GDAP2: variants seen among roughly 807,000 people sequenced by gnomAD.
GDAP2 encodes ganglioside induced differentiation associated protein 2.
GDAP2 carries 51 observed loss-of-function variants against 67.0 expected under a neutral mutation model. The ratio of observed to expected loss-of-function variants is 0.76; its 90% CI spans 0.61 to 0.96. GDAP2 has a LOEUF of 0.96. Among genes scored for constraint, GDAP2 ranks in the 40% least tolerant of loss-of-function variants. The probability of loss-of-function intolerance (pLI) is 0.00; values close to 1 mark genes in which losing one functional copy is unlikely to be tolerated. For missense variants in GDAP2, 547 were observed against 588.3 expected, an observed-to-expected ratio of 0.93 and a Z score of 0.73; for synonymous variants, 203 against 207.3, an observed-to-expected ratio of 0.98 and a Z score of 0.18.
chr1:117,899,340 CT>C, intron 6 of GDAP2, 124 bp from the exon 7 acceptor site: 1 of 676,486 alleles, frequency 1.5e-6, no homozygotes, highest in Non-Finnish European at 2.6e-6. Context: ...TTTACCACTT[CT>C]GAGCTCAGAC....
intron 5 of GDAP2, among the ~76,000 whole-genome samples, chr1:117,907,504 C>T (rs115574656): frequency 0.013 from 2,034 of 152,200 alleles, 37 homozygotes; most frequent in South Asian, 0.092. Context: ...CATCTTTTTC[C>T]GAACAAACCT....
intron 10 of GDAP2, among the ~76,000 whole-genome samples, chr1:117,883,836 A>T (rs1208090031): frequency 6.6e-6 from 1 of 152,194 alleles, no homozygotes; most frequent in Admixed American, 6.5e-5. Context: ...AATAATTCTC[A>T]TAAGTGCTAC....
chr1:117,897,628 G>A (rs1381120398), intron 7 of GDAP2, among the ~76,000 whole-genome samples: 3 of 152,202 alleles, frequency 2.0e-5, no homozygotes, highest in African/African-American at 7.2e-5. Context: ...TGGATTAGTA[G>A]AAATCAGTCT....
At chr1:117,926,659 A>T (rs559134845) in intron 1 of GDAP2, among the ~76,000 whole-genome samples, 30 of 152,364 alleles carry the variant, frequency 2.0e-4, no homozygotes, top group South Asian at 4.1e-4. Context: ...CAAGCTAGGC[A>T]GAAAAACCTG....
chr1:117,918,957 A>G (rs1458424940), intron 2 of GDAP2, among the ~76,000 whole-genome samples: 1 of 152,220 alleles, frequency 6.6e-6, no homozygotes, highest in Non-Finnish European at 1.5e-5. Flanking sequence ...CAAAACCACC[A>G]TGTTTAGAAA....
At chr1:117,924,793 A>G (rs1557812650) in intron 1 of GDAP2, among the ~76,000 whole-genome samples, 1 of 152,224 alleles carries the variant, frequency 6.6e-6, no homozygotes, top group Non-Finnish European at 1.5e-5. Flanking sequence ...GTTGGTGTTT[A>G]GTCCATCAAA....
At chr1:117,892,591 C>T (rs532794053) in intron 8 of GDAP2, among the ~76,000 whole-genome samples, 3 of 152,080 alleles carry the variant, frequency 2.0e-5, no homozygotes, top group Non-Finnish European at 2.9e-5. Context: ...GATAAATAAT[C>T]GTACAAAATA....
chr1:117,923,617 TC>T (rs543768785), intron 1 of GDAP2, among the ~76,000 whole-genome samples: 78 of 151,638 alleles, frequency 5.1e-4, no homozygotes, highest in Non-Finnish European at 8.5e-4. Context: ...GTGAACTTTC[TC>T]CCCCCCAAAT....
rs1648126772 is a variant in GDAP2 at position 117,867,747 on chromosome 1, A to C, written c.*2822T>G. ...AGGAAATATAAAGCATCCGCCAATG[A>C]AACATAATATACATTAAAGGAGAAA... On this transcript the variant is annotated 3_prime_UTR_variant, in exon 14 of 14. Coordinates refer to ENST00000369443, the MANE Select transcript of GDAP2 (RefSeq NM_017686.4). 1 of 152,034 alleles carries C rather than the reference A, an allele frequency of 6.6e-6. No homozygotes were observed. 9.4% of individuals were successfully genotyped at this position (152,034 alleles called of 1,614,324 possible). A position where few individuals can be genotyped will look rare whatever the true frequency, so the allele number is the denominator to read the frequency against.
intron 13 of GDAP2, among the ~76,000 whole-genome samples, chr1:117,874,787 A>C (rs749049566): frequency 6.6e-6 from 1 of 152,206 alleles, no homozygotes; most frequent in Non-Finnish European, 1.5e-5. Flanking sequence ...CCATGCTGAT[A>C]AGGTCTCAGA....
chr1:117,874,716 T>C (rs1266020368), intron 13 of GDAP2, among the ~76,000 whole-genome samples: 2 of 152,164 alleles, frequency 1.3e-5, no homozygotes, highest in Admixed American at 1.3e-4. Context: ...AGTTTGAAAC[T>C]TCTTAGAGAT....
At chr1:117,901,094 T>G (rs1018185920) in intron 6 of GDAP2, among the ~76,000 whole-genome samples, 3 of 152,094 alleles carry the variant, frequency 2.0e-5, no homozygotes, top group Non-Finnish European at 4.4e-5. Flanking sequence ...AAAAATGGAA[T>G]ACAGTATGTG....
chr1:117,908,023 A>T (rs1392761571), intron 5 of GDAP2, among the ~76,000 whole-genome samples: 1 of 151,966 alleles, frequency 6.6e-6, no homozygotes, highest in Non-Finnish European at 1.5e-5. Flanking sequence ...TATTCAAAAC[A>T]TACCACTTAC....
At chr1:117,892,004 A>T (rs755677520) in intron 8 of GDAP2, among the ~76,000 whole-genome samples, 55 of 152,252 alleles carry the variant, frequency 3.6e-4, no homozygotes, top group Admixed American at 4.6e-4. Flanking sequence ...CTCTATGAAC[A>T]TATTTGTGGG....
intron 8 of GDAP2, among the ~76,000 whole-genome samples, chr1:117,892,187 A>C (rs985240079): frequency 1.3e-5 from 2 of 152,126 alleles, no homozygotes; most frequent in African/African-American, 4.8e-5. Flanking sequence ...CATTACCACT[A>C]TAGATTGTGT....
chr1:117,863,838 G>A lies in GDAP2; in HGVS notation c.*6731C>T, dbSNP rs1228794916. The A allele has an allele frequency of 6.6e-6, 1 of 152,160 alleles. No homozygotes were observed. The highest frequency in any genetic ancestry group is 1.9e-4 in the East Asian group (1 of 5,198). The allele number at this position is 152,160 out of a possible 1,614,324, so 9.4% of individuals were successfully genotyped here. A position where few individuals can be genotyped will look rare whatever the true frequency, so the allele number is the denominator to read the frequency against. ...CACAGTAAATCCTCAAATGTTAGCT[G>A]TTATTATTTCTAATCAAAGCAGTGG... On this transcript the variant is annotated 3_prime_UTR_variant, in exon 14 of 14. Coordinates refer to ENST00000369443, the MANE Select transcript of GDAP2 (RefSeq NM_017686.4).
chr1:117,907,935 T>C (rs1210044703), intron 5 of GDAP2, among the ~76,000 whole-genome samples: 2 of 152,166 alleles, frequency 1.3e-5, no homozygotes, highest in African/African-American at 4.8e-5. Context: ...AACTGTCCAC[T>C]TTCCCCCACT....
intron 3 of GDAP2, among the ~76,000 whole-genome samples, chr1:117,914,486 T>C (rs1261921663): frequency 1.3e-5 from 2 of 152,098 alleles, no homozygotes; most frequent in Non-Finnish European, 2.9e-5. Flanking sequence ...TCTAATAGGA[T>C]TTCTTCAGAG....
intron 1 of GDAP2, among the ~76,000 whole-genome samples, chr1:117,924,457 T>A (rs1650371899): frequency 6.6e-6 from 1 of 152,210 alleles, no homozygotes; most frequent in African/African-American, 2.4e-5. Flanking sequence ...GCAAAGGACA[T>A]GATCTCATGA....
Sources: gnomAD v4.1 joint callset for allele counts (sites outside exome capture counted in the v4.1 genomes callset) on GRCh38, gnomAD v4.1.1 for gene constraint, MANE v1.5 for transcripts, NCBI Gene and HGNC (gene_info 2026-07-23, HGNC 2026-07-21) for gene names.